Variants in PKHD1 observed in about 807,000 individuals in gnomAD.
The protein encoded by PKHD1 is PKHD1 ciliary IPT domain containing fibrocystin/polyductin, also known as fibrocystin.
Under a neutral mutation model 412.0 loss-of-function variants are expected in PKHD1, and 291 were observed. The ratio of observed to expected loss-of-function variants is 0.71; its 90% CI spans 0.64 to 0.78. The LOEUF (loss-of-function observed/expected upper bound fraction) is 0.78. PKHD1 is among the 30% of genes least tolerant of loss of function. The pLI is 0.00. For synonymous variants in PKHD1, 1,777 were observed against 1,821.5 expected, an observed-to-expected ratio of 0.98 and a Z score of 0.62; for missense variants, 4,825 against 4,950.7, an observed-to-expected ratio of 0.97 and a Z score of 0.76.
In PKHD1 at chr6:52,065,315, T is replaced by C. The variant is rs150287723; in HGVS notation, c.881-265A>G. Among the ~76,000 whole-genome samples, 248 of 150,720 alleles carry C rather than the reference T, an allele frequency of 1.6e-3. 8 individuals carry two copies. In the East Asian group the frequency reaches 0.042, roughly 26 times the overall value. On this transcript the variant is annotated intron_variant, in intron 12 of 66. Transcript: ENST00000371117. ...GGAATAGCGAAAGTTGTCACCCCAATTGAAGGAGAAAAGAGAGAGTGCAGA... is the reference window on the plus strand; with the variant it reads ...GGAATAGCGAAAGTTGTCACCCCAACTGAAGGAGAAAAGAGAGAGTGCAGA...
intron 35 of PKHD1, among the ~76,000 whole-genome samples, chr6:51,968,414 G>C (rs1793167505): frequency 6.6e-6 from 1 of 152,102 alleles, no homozygotes; most frequent in Non-Finnish European, 1.5e-5. Context: ...TGCCTCTTTA[G>C]AGGAGCTGTG....
At chr6:51,951,009 A>G (rs1027983532) in intron 36 of PKHD1, among the ~76,000 whole-genome samples, 12 of 152,076 alleles carry the variant, frequency 7.9e-5, no homozygotes, top group Admixed American at 6.6e-4. Context: ...AAAATATGAA[A>G]CTCATTAAGG....
At chr6:51,678,593 A>T (rs1449757869) in intron 60 of PKHD1, among the ~76,000 whole-genome samples, 8 of 152,156 alleles carry the variant, frequency 5.3e-5, no homozygotes, top group Non-Finnish European at 1.0e-4. Flanking sequence ...ATCAGCAAGA[A>T]AGAAATGCAC....
chr6:51,663,713 T>A (rs970049127), intron 60 of PKHD1, among the ~76,000 whole-genome samples: 3 of 152,190 alleles, frequency 2.0e-5, no homozygotes, highest in Admixed American at 6.5e-5. Context: ...ATAGTACAAA[T>A]ATATTTTAAG....
At chr6:51,665,124 C>A (rs1301234049) in intron 60 of PKHD1, among the ~76,000 whole-genome samples, 1 of 152,004 alleles carries the variant, frequency 6.6e-6, no homozygotes, top group East Asian at 1.9e-4. Context: ...CCAGAATATA[C>A]TCTTTACAAT....
chr6:51,906,357 A>G lies in PKHD1; in HGVS notation c.6683-17T>C, dbSNP rs1782092354. 3 of 1,606,678 alleles carry G rather than the reference A, an allele frequency of 1.9e-6. No individual in the cohort carries two copies. Among genetic ancestry groups the G allele is most frequent in the Admixed American group, 1.7e-5 (1 of 59,856 alleles). ...TGAAAGACTCTGAATAGGAAAGAGT[A>G]AAGTAAAAATTAGATATGGCTCCTG... On this transcript the variant is annotated splice_polypyrimidine_tract_variant and intron_variant, in intron 40 of 66. Transcript: ENST00000371117.
Position 51,720,084 on chromosome 6 carries a change from T to C in PKHD1, c.10156+24301A>G, listed in dbSNP as rs182615121. ...GCACATTGCAAAATGGCAAAAAATA[T>C]CCTAAATCAATTCTATTATCCATTA... is the stretch of plus-strand genomic sequence containing the variant. On this transcript the variant is annotated intron_variant, in intron 60 of 66. Transcript: ENST00000371117. Among the ~76,000 whole-genome samples the C allele has an allele frequency of 1.9e-3, 284 of 152,240 alleles. 1 individual carries two copies. The highest frequency in any genetic ancestry group is 2.9e-3 in the Non-Finnish European group (198 of 68,004).
chr6:51,793,427 C>G lies in PKHD1; in HGVS notation c.8303-2054G>C, dbSNP rs1354451335. Among the ~76,000 whole-genome samples the G allele has an allele frequency of 2.0e-5, 3 of 152,014 alleles. No individual in the cohort carries two copies. The East Asian group carries it at 5.8e-4, about 29-fold the overall frequency. On this transcript the variant is annotated intron_variant, in intron 52 of 66. Coordinates refer to ENST00000371117, the MANE Select transcript of PKHD1 (RefSeq NM_138694.4). ...TTTGTTAACACAGGTAAACTTGTGC[C>G]ACGGTGGCCTGCTGCACAGATCATC...
At chr6:52,009,324 T>C (rs1799504148) in intron 35 of PKHD1, among the ~76,000 whole-genome samples, 1 of 152,192 alleles carries the variant, frequency 6.6e-6, no homozygotes, top group Non-Finnish European at 1.5e-5. Context: ...AAAAAAATGT[T>C]GTTTGCCATC....
At chr6:51,786,827 A>C (rs1334854233) in intron 53 of PKHD1, among the ~76,000 whole-genome samples, 1 of 152,172 alleles carries the variant, frequency 6.6e-6, no homozygotes. Flanking sequence ...ACGCTGAGTA[A>C]ACCCATGTTA....
intron 60 of PKHD1, among the ~76,000 whole-genome samples, chr6:51,725,793 T>C (rs539083158): frequency 6.6e-6 from 1 of 152,184 alleles, no homozygotes; most frequent in African/African-American, 2.4e-5. Flanking sequence ...AACTAATATC[T>C]CTGTCATTTT....
chr6:51,852,731 T>C (rs1364531434), intron 49 of PKHD1, among the ~76,000 whole-genome samples: 1 of 133,812 alleles, frequency 7.5e-6, no homozygotes, highest in Non-Finnish European at 1.7e-5. Context: ...TTGCAAACCC[T>C]GTTTTTTTTT....
chr6:51,899,101 G>C (rs564965626), intron 43 of PKHD1, among the ~76,000 whole-genome samples: 141 of 152,300 alleles, frequency 9.3e-4, no homozygotes, highest in Admixed American at 6.3e-3. Flanking sequence ...GGAGGAACTG[G>C]TACCATTCCT....
intron 35 of PKHD1, among the ~76,000 whole-genome samples, chr6:51,969,227 A>T (rs1793297262): frequency 6.6e-6 from 1 of 152,190 alleles, no homozygotes; most frequent in Non-Finnish European, 1.5e-5. Flanking sequence ...GCCAACAGCC[A>T]GCAAGAAAAT....
intron 28 of PKHD1, among the ~76,000 whole-genome samples, chr6:52,035,053 A>G (rs1274934985): frequency 6.6e-6 from 1 of 152,184 alleles, no homozygotes; most frequent in Non-Finnish European, 1.5e-5. Flanking sequence ...TTAATAGGCC[A>G]TGATATAGCA....
chr6:51,721,000 T>C (rs1216360211), intron 60 of PKHD1: 44 of 983,844 alleles, frequency 4.5e-5, no homozygotes, highest in African/African-American at 5.2e-5. Flanking sequence ...AATTTTAGGA[T>C]AGAAAGGAAA....
intron 60 of PKHD1, among the ~76,000 whole-genome samples, chr6:51,728,896 T>C (rs1392281186): frequency 6.6e-6 from 1 of 152,250 alleles, no homozygotes; most frequent in East Asian, 1.9e-4. Flanking sequence ...TGGAATGGAA[T>C]AGTCAAGTTA....
Position 51,659,228 on chromosome 6 carries a change from C to A in PKHD1, c.10898G>T (p.Arg3633Ile), listed in dbSNP as rs1243887386. Residue 3633 changes from arginine to isoleucine, a missense_variant, in exon 61 of 67, where the codon AGA becomes ATA. Arg to Ile is a moderately conservative substitution (Grantham distance 97, BLOSUM62 -3). Transcript: ENST00000371117. ...CATGAGAGGCCTACGTTGACCAACT[C>A]TTCTATAATGACTAGTGCAAGTCAC... is the stretch of plus-strand genomic sequence containing the variant. Reference protein sequence around the residue: ...PTVTCTSHYRRVGQRRPLMME... With the variant: ...PTVTCTSHYRIVGQRRPLMME... 1.9e-6 allele frequency: 3 copies of A among 1,613,826 alleles called. No individual in the cohort carries two copies.
intron 52 of PKHD1, among the ~76,000 whole-genome samples, chr6:51,796,268 T>TC (rs1366614977): frequency 6.6e-6 from 1 of 152,130 alleles, no homozygotes; most frequent in Non-Finnish European, 1.5e-5. Context: ...TATCCATTTC[T>TC]CCCAAATTTT....
Sources: gnomAD v4.1 joint callset for allele counts (sites outside exome capture counted in the v4.1 genomes callset) on GRCh38, gnomAD v4.1.1 for gene constraint, MANE v1.5 for transcripts, NCBI Gene and HGNC (gene_info 2026-07-23, HGNC 2026-07-21) for gene names.